MPDZ: variants seen among roughly 807,000 people sequenced by gnomAD.
MPDZ encodes the protein multiple PDZ domain protein.
In MPDZ, 234 loss-of-function variants were observed where a neutral mutation model predicts 239.1. The ratio of observed to expected loss-of-function variants is 0.98; its 90% CI spans 0.88 to 1.09. The LOEUF is 1.09. MPDZ is among the 50% of genes least tolerant of loss of function. MPDZ has a pLI of 0.00. For synonymous variants in MPDZ, 1,048 were observed against 881.3 expected (o/e 1.19, Z -3.35); for missense variants, 3,175 against 2,510.0 (o/e 1.26, Z -5.66).
rs114167164 is a variant in MPDZ, at chr9:13,262,718, C to T, written c.-57-12346G>A. On this transcript the variant is annotated intron_variant, in intron 1 of 46. Transcript: ENST00000319217. The stretch of plus-strand genomic sequence containing the variant: ...GTAAACAAAAAACACAAAACAAGGG[C>T]AACAAAATAAATTCAGATATCCATA... Among the ~76,000 whole-genome samples the T allele has an allele frequency of 5.2e-3, 784 of 151,714 alleles. 3 individuals carry two copies. Among genetic ancestry groups the T allele is most frequent in the African/African-American group, 0.018 (734 of 41,404 alleles).
At chr9:13,126,244 G>A (rs911619082) in intron 34 of MPDZ, among the ~76,000 whole-genome samples, 1 of 152,166 alleles carries the variant, frequency 6.6e-6, no homozygotes, top group African/African-American at 2.4e-5. Flanking sequence ...TCACTGTTAA[G>A]GAGTTTAAAG....
intron 1 of MPDZ, among the ~76,000 whole-genome samples, chr9:13,254,715 T>C (rs1484354228): frequency 6.6e-6 from 1 of 152,216 alleles, no homozygotes; most frequent in Non-Finnish European, 1.5e-5. Context: ...TACACTACAC[T>C]GTAGTCTATT....
At chr9:13,139,338 C>CA (rs1587142552) in intron 28 of MPDZ, among the ~76,000 whole-genome samples, 1 of 152,122 alleles carries the variant, frequency 6.6e-6, no homozygotes, top group Non-Finnish European at 1.5e-5. Context: ...TATTTTCCTG[C>CA]AAAATGGTAT....
At chr9:13,125,637 T>C (rs1399046149) in intron 34 of MPDZ, among the ~76,000 whole-genome samples, 1 of 152,162 alleles carries the variant, frequency 6.6e-6, no homozygotes, top group Non-Finnish European at 1.5e-5. Context: ...TCTGACCACA[T>C]TTTTTTCTTA....
chr9:13,223,757 C>A (rs1286982497), intron 4 of MPDZ, 47 bp from the exon 5 acceptor site: 1 of 1,526,844 alleles, frequency 6.5e-7, no homozygotes, highest in East Asian at 2.5e-5. Context: ...CCAGGCCATG[C>A]ATGGTGGTTC....
chr9:13,140,469 CATG>C (rs1208381556), intron 27 of MPDZ, among the ~76,000 whole-genome samples: 2 of 146,344 alleles, frequency 1.4e-5, no homozygotes, highest in Admixed American at 6.9e-5. Context: ...TTGTTTTTGA[CATG>C]ATATTCTTAT....
chr9:13,144,974 T>C (rs1429957890), intron 26 of MPDZ, among the ~76,000 whole-genome samples: 3 of 152,116 alleles, frequency 2.0e-5, no homozygotes, highest in Non-Finnish European at 4.4e-5. Flanking sequence ...CATTGGACTT[T>C]CAGTGTCCTG....
intron 24 of MPDZ, among the ~76,000 whole-genome samples, chr9:13,152,142 G>A (rs1028090259): frequency 6.6e-6 from 1 of 152,052 alleles, no homozygotes; most frequent in Non-Finnish European, 1.5e-5. Context: ...GAACACTCCT[G>A]CACACACTAT....
At chr9:13,275,375 C>G (rs1213127562) in intron 1 of MPDZ, among the ~76,000 whole-genome samples, 1 of 152,186 alleles carries the variant, frequency 6.6e-6, no homozygotes, top group Non-Finnish European at 1.5e-5. Context: ...GAGAACTCAG[C>G]CATCTACAAG....
At position 13,221,136 on chromosome 9, in the gene MPDZ, A is replaced by C. The variant is rs534275511; in HGVS notation, c.876+236T>G. On this transcript the variant is annotated intron_variant, in intron 7 of 46. Coordinates refer to ENST00000319217, the MANE Select transcript of MPDZ (RefSeq NM_001378778.1). ...TAACCTTGGCTTTAGTCTGAGGTTCAAAAGTGTTAAACTCATTGTCTAAAA... is the reference window on the plus strand; with the variant it reads ...TAACCTTGGCTTTAGTCTGAGGTTCCAAAGTGTTAAACTCATTGTCTAAAA... Among the ~76,000 whole-genome samples the C allele has an allele frequency of 2.9e-4, 44 of 152,164 alleles. No individual in the cohort carries two copies. The South Asian group carries it at 8.9e-3, about 31-fold the overall frequency.
intron 6 of MPDZ, 102 bp from the exon 7 acceptor site, chr9:13,221,602 T>C: frequency 8.0e-7 from 1 of 1,255,248 alleles, no homozygotes; most frequent in Non-Finnish European, 1.1e-6. Flanking sequence ...TATTAAATAA[T>C]TAAATTCAGA....
intron 32 of MPDZ, among the ~76,000 whole-genome samples, chr9:13,127,225 G>GGCAGTC (rs3079722): frequency 1.1e-3 from 169 of 152,228 alleles, no homozygotes; most frequent in Admixed American, 3.6e-3. Context: ...TCCTTTAGCA[G>GGCAGTC]GCAGTCTGCC....
rs562980824 is a variant in MPDZ, at chr9:13,177,235, C to T, written c.2650-818G>A. On this transcript the variant is annotated intron_variant, in intron 19 of 46. Transcript: ENST00000319217. ...TGAATAAACATATCAGTTTTCCCTT[C>T]AATTCTTTCATTGATAGTTTCAATG... Among the ~76,000 whole-genome samples the T allele has an allele frequency of 5.9e-5, 9 of 152,220 alleles. No individual in the cohort carries two copies. The South Asian group carries it at 1.9e-3, about 32-fold the overall frequency.
In MPDZ at chr9:13,148,022, T is replaced by C. The variant is rs570239688; in HGVS notation, c.3631-364A>G. The stretch of plus-strand genomic sequence containing the variant: ...GCACTGTCTTCATCATGAAAGTCAC[T>C]GTACTAATTTTCTTCTAATTGACTA... On this transcript the variant is annotated intron_variant, in intron 25 of 46. Transcript: ENST00000319217. Among the ~76,000 whole-genome samples, 328 of 152,176 alleles carry C rather than the reference T, an allele frequency of 2.2e-3. 2 individuals carry two copies. The highest frequency in any genetic ancestry group is 3.6e-3 in the Non-Finnish European group (244 of 67,974).
chr9:13,117,882 T>C (rs1026631248), intron 39 of MPDZ, among the ~76,000 whole-genome samples: 2 of 151,170 alleles, frequency 1.3e-5, no homozygotes, highest in South Asian at 2.1e-4. Context: ...TTCACTCTTA[T>C]TGCCCAGGTT....
At chr9:13,210,161 G>A (rs1027742698) in intron 10 of MPDZ, among the ~76,000 whole-genome samples, 2 of 151,386 alleles carry the variant, frequency 1.3e-5, no homozygotes, top group African/African-American at 2.4e-5. Flanking sequence ...CCAGCCTCTA[G>A]GCAGCAAAGA....
chr9:13,119,533 G>C lies in MPDZ; in HGVS notation c.5348C>G (p.Ala1783Gly). 6.2e-7 allele frequency: 1 copy of C among 1,612,784 alleles called. No homozygotes were observed. The highest frequency in any genetic ancestry group is 8.5e-7 in the Non-Finnish European group (1 of 1,179,346). The change falls in exon 39 of 47, where the codon GCC becomes GGC. Residue 1783 changes from alanine (A) to glycine (G), a missense_variant. Ala to Gly is a moderately conservative substitution (Grantham distance 60). Coordinates refer to ENST00000319217, the MANE Select transcript of MPDZ (RefSeq NM_001378778.1). ...LMVNGEDVRN[A>G]TQEAVAALLK... ...CAAAGCGGCAACCGCTTCTTGGGTG[G>C]CATTACGAACGTCTTCCCCATTCAC...
At chr9:13,227,350 AAAGT>A (rs1280095244) in intron 3 of MPDZ, among the ~76,000 whole-genome samples, 5 of 152,110 alleles carry the variant, frequency 3.3e-5, no homozygotes, top group African/African-American at 1.2e-4. Flanking sequence ...TATTTTTTCA[AAAGT>A]AAGCTTCTTA....
intron 19 of MPDZ, among the ~76,000 whole-genome samples, chr9:13,178,880 T>G (rs895539155): frequency 6.6e-6 from 1 of 152,196 alleles, no homozygotes; most frequent in Non-Finnish European, 1.5e-5. Context: ...TATATATTAC[T>G]TAATAAGTCC....
Sources: allele counts gnomAD v4.1 joint callset (sites outside exome capture counted in the v4.1 genomes callset), GRCh38; gene constraint gnomAD v4.1.1; transcripts MANE v1.5; gene names NCBI Gene and HGNC (gene_info 2026-07-23, HGNC 2026-07-21).